WIPF3: variants seen among roughly 807,000 people sequenced by gnomAD.
The protein encoded by WIPF3 is WAS/WASL interacting protein family member 3.
Under a neutral mutation model 38.9 loss-of-function variants are expected in WIPF3, and 33 were observed. The observed-to-expected ratio is 0.85, with a 90% CI of 0.64 to 1.14. The LOEUF is 1.14. Ranked by LOEUF, WIPF3 falls within the 50% of genes most tolerant of loss-of-function variation. WIPF3 has a pLI of 0.00. For synonymous variants in WIPF3, 324 were observed against 269.3 expected (o/e 1.20, Z -1.99); for missense variants, 711 against 652.5 (o/e 1.09, Z -0.98).
intron 8 of WIPF3, among the ~76,000 whole-genome samples, chr7:29,906,486 G>A (rs1343623487): frequency 6.6e-6 from 1 of 152,038 alleles, no homozygotes; most frequent in Non-Finnish European, 1.5e-5. Context: ...TATTGAGTCA[G>A]AAGAACAGAA....
chr7:29,822,122 A>ATTT (rs1784545814), intron 1 of WIPF3, among the ~76,000 whole-genome samples: 28 of 39,220 alleles, frequency 7.1e-4, no homozygotes, highest in Admixed American at 8.0e-4. Flanking sequence ...CTTTTTTCTT[A>ATTT]GTTTTTTTTT....
chr7:29,876,402 G>A (rs1190989526), intron 3 of WIPF3, among the ~76,000 whole-genome samples: 2 of 152,190 alleles, frequency 1.3e-5, no homozygotes, highest in East Asian at 1.9e-4. Context: ...ATTAGTCCCT[G>A]GCCCTTGCCA....
chr7:29,879,137 G>A lies in WIPF3; in HGVS notation c.352G>A (p.Ala118Thr). Residue 118 changes from alanine to threonine, a missense_variant, in exon 4 of 9, where the codon GCA (alanine) becomes ACA (threonine). By Grantham distance (58) the Ala-to-Thr change is moderately conservative. Coordinates refer to ENST00000242140, the MANE Select transcript of WIPF3 (RefSeq NM_001080529.3). ...GCGACCAGCAGGCCAGCGGGATGTA[G>A]CAGGTAAGGAAGAATTCATTCTGGC... ...VLRPAGQRDV[A>T]GGKTGQGPGS... is the part of the protein sequence containing the mutation. 1.2e-6 allele frequency: 2 copies of A among 1,610,834 alleles called. No homozygotes were observed. The highest frequency in any genetic ancestry group is 8.5e-7 in the Non-Finnish European group (1 of 1,178,304).
At chr7:29,908,965 G>A (rs1263773495) in intron 8 of WIPF3, among the ~76,000 whole-genome samples, 1 of 150,502 alleles carries the variant, frequency 6.6e-6, no homozygotes, top group African/African-American at 2.4e-5. Flanking sequence ...TAGCACAGTG[G>A]AATAAAATTA....
chr7:29,912,679 T>C (rs186318488), intron 8 of WIPF3: 19 of 174,450 alleles, frequency 1.1e-4, no homozygotes, highest in Admixed American at 5.5e-4. Flanking sequence ...TCAAGTATCA[T>C]AGATAGATGA....
At chr7:29,807,498 C>G (rs1001527693) in intron 1 of WIPF3, among the ~76,000 whole-genome samples, 2 of 152,180 alleles carry the variant, frequency 1.3e-5, no homozygotes, top group African/African-American at 4.8e-5. Context: ...GGAGCGCCGC[C>G]CGGGCCCCGT....
intron 7 of WIPF3, among the ~76,000 whole-genome samples, chr7:29,900,526 G>A (rs1786253824): frequency 1.3e-5 from 2 of 152,146 alleles, no homozygotes; most frequent in South Asian, 4.1e-4. Flanking sequence ...AGGAGTGATG[G>A]AGGCTCTCAT....
chr7:29,874,555 T>A (rs1785553681), intron 2 of WIPF3, among the ~76,000 whole-genome samples: 2 of 152,168 alleles, frequency 1.3e-5, no homozygotes, highest in Non-Finnish European at 2.9e-5. Flanking sequence ...ATACATGGTA[T>A]CCCCGTACAG....
Position 29,878,995 on chromosome 7 carries a change from T to C in WIPF3, c.224-14T>C, listed in dbSNP as rs755284536. On this transcript the variant is annotated splice_polypyrimidine_tract_variant and intron_variant, in intron 3 of 8. Coordinates refer to ENST00000242140, the MANE Select transcript of WIPF3 (RefSeq NM_001080529.3). The surrounding 1 kb of genome is among the most constrained non-coding windows in gnomAD (Gnocchi z 4.0). ...GCTCTCAAGTCCTTGCCTATTTGTG[T>C]CTTCTCTCTAAAGGTTCTAAAGGAA... 2.5e-6 allele frequency: 4 copies of C among 1,584,218 alleles called. No individual in the cohort carries two copies. Among genetic ancestry groups the C allele is most frequent in the Non-Finnish European group, 3.4e-6 (4 of 1,161,094 alleles).
Position 29,852,822 on chromosome 7 carries a change from C to T in WIPF3, c.90+18008C>T, listed in dbSNP as rs546540876. Among the ~76,000 whole-genome samples, 54 of 152,270 alleles carry T rather than the reference C, an allele frequency of 3.5e-4. No individual in the cohort carries two copies. The South Asian group carries it at 4.6e-3, about 13-fold the overall frequency. ...TTTAGAAAAAGGAAGGAGTGTGTGTCCAAAGTCACTTATTGACAGGGAGAC... is the reference window on the plus strand; with the variant it reads ...TTTAGAAAAAGGAAGGAGTGTGTGTTCAAAGTCACTTATTGACAGGGAGAC... On this transcript the variant is annotated intron_variant, in intron 2 of 8. Coordinates refer to ENST00000242140, the MANE Select transcript of WIPF3 (RefSeq NM_001080529.3).
In WIPF3 at chr7:29,915,439, C is replaced by T. The variant is rs777536250; in HGVS notation, c.*923C>T. 2.0e-5 allele frequency: 3 copies of T among 152,172 alleles called. No homozygotes were observed. Among genetic ancestry groups the T allele is most frequent in the Non-Finnish European group, 4.4e-5 (3 of 68,046 alleles). The allele number at this position is 152,172 out of a possible 1,614,324, so 9.4% of individuals were successfully genotyped here. A position where few individuals can be genotyped will look rare whatever the true frequency, so the allele number is the denominator to read the frequency against. On this transcript the variant is annotated 3_prime_UTR_variant, in exon 9 of 9. Transcript: ENST00000242140. ...GTGTGGACTTCCATGGAAAATATGA[C>T]ATGAAAAAGTGTAGAACGAAACATC... is the stretch of plus-strand genomic sequence containing the variant.
intron 1 of WIPF3, among the ~76,000 whole-genome samples, chr7:29,815,324 T>C (rs1784439390): frequency 6.6e-6 from 1 of 152,212 alleles, no homozygotes; most frequent in African/African-American, 2.4e-5. Context: ...AAGCTTTTGC[T>C]CGACTCTTTG....
chr7:29,818,553 A>G (rs995584907), intron 1 of WIPF3, among the ~76,000 whole-genome samples: 2 of 148,706 alleles, frequency 1.3e-5, no homozygotes, highest in South Asian at 2.1e-4. Flanking sequence ...TATAATATGT[A>G]TACTTATTTA....
At chr7:29,889,266 C>G (rs199972226) in intron 6 of WIPF3, 40 bp from the exon 7 acceptor site, 116 of 1,535,226 alleles carry the variant, frequency 7.6e-5, no homozygotes, top group South Asian at 4.2e-4. Flanking sequence ...TGGATCATGA[C>G]AGTAACCTGA....
At chr7:29,863,781 G>A (rs572424920) in intron 2 of WIPF3, among the ~76,000 whole-genome samples, 4 of 152,262 alleles carry the variant, frequency 2.6e-5, no homozygotes, top group African/African-American at 4.8e-5. Context: ...TATGCTGTGC[G>A]TGTTTTGTTA....
At chr7:29,814,336 A>G (rs568393793) in intron 1 of WIPF3, among the ~76,000 whole-genome samples, 7 of 152,298 alleles carry the variant, frequency 4.6e-5, no homozygotes, top group African/African-American at 1.7e-4. Flanking sequence ...AACCTTCAGT[A>G]AGTGTTACAA....
At chr7:29,846,134 A>C (rs528601058) in intron 2 of WIPF3, among the ~76,000 whole-genome samples, 13 of 152,356 alleles carry the variant, frequency 8.5e-5, no homozygotes, top group Admixed American at 7.8e-4. Flanking sequence ...GGACAGCAAA[A>C]TTTAATACTT....
intron 1 of WIPF3, among the ~76,000 whole-genome samples, chr7:29,814,407 T>G (rs1360701383): frequency 6.6e-6 from 1 of 152,252 alleles, no homozygotes; most frequent in East Asian, 1.9e-4. Context: ...AAACATTTAT[T>G]GATTACCTGC....
chr7:29,861,481 C>T (rs1785274063), intron 2 of WIPF3, among the ~76,000 whole-genome samples: 1 of 152,208 alleles, frequency 6.6e-6, no homozygotes, highest in African/African-American at 2.4e-5. Context: ...TTAGTCCTGC[C>T]TTCCTGCCTC....
Sources: gnomAD v4.1 joint callset for allele counts (sites outside exome capture counted in the v4.1 genomes callset) on GRCh38, gnomAD v4.1.1 for gene constraint, Gnocchi (gnomAD v3.1) non-coding constraint, MANE v1.5 for transcripts, NCBI Gene and HGNC (gene_info 2026-07-23, HGNC 2026-07-21) for gene names.